GLRA1: variants seen among roughly 807,000 people sequenced by gnomAD.
GLRA1 encodes glycine receptor alpha 1, also known as glycine receptor subunit alpha-1.
A neutral mutation model predicts 48.3 loss-of-function variants in GLRA1; 37 were observed. That is an observed-to-expected ratio of 0.77 (90% CI 0.59 to 1.01). The LOEUF (loss-of-function observed/expected upper bound fraction) is 1.01, where lower values mean the gene tolerates loss of function less well. GLRA1 is among the 50% of genes least tolerant of loss of function. The pLI, the probability that GLRA1 is intolerant of heterozygous loss-of-function variation, is 0.00. For missense variants in GLRA1, 427 were observed against 571.0 expected, an observed-to-expected ratio of 0.75 and a Z score of 2.57; for synonymous variants, 196 against 210.7, an observed-to-expected ratio of 0.93 and a Z score of 0.60.
intron 1 of GLRA1, among the ~76,000 whole-genome samples, chr5:151,919,232 A>G (rs1242931633): frequency 6.6e-6 from 1 of 152,258 alleles, no homozygotes; most frequent in Non-Finnish European, 1.5e-5. Flanking sequence ...AAAATATGTT[A>G]ATGATGAATG....
At chr5:151,902,916 A>G (rs375668533) in intron 1 of GLRA1, among the ~76,000 whole-genome samples, 18 of 152,248 alleles carry the variant, frequency 1.2e-4, no homozygotes, top group Non-Finnish European at 2.1e-4. Context: ...TCTTAACTAT[A>G]TTAATGATGA....
At chr5:151,823,736 G>A (rs1472485091) in intron 8 of GLRA1, among the ~76,000 whole-genome samples, 1 of 152,090 alleles carries the variant, frequency 6.6e-6, no homozygotes, top group Non-Finnish European at 1.5e-5. Context: ...CAGATACTTT[G>A]CAGCCCTCCA....
chr5:151,924,802 G>T lies in GLRA1; in HGVS notation c.-253C>A. ...GACCTGCTTTTCAGGAGCGCGAAGA[G>T]TATTGCTGTTTGTTAAACTCCAGCG... is the stretch of plus-strand genomic sequence containing the variant. On this transcript the variant is annotated 5_prime_UTR_variant, in exon 1 of 9. Transcript: ENST00000274576. 1.8e-6 allele frequency: 1 copy of T among 554,434 alleles called. No homozygotes were observed. Among genetic ancestry groups the T allele is most frequent in the Non-Finnish European group, 3.2e-6 (1 of 308,116 alleles). 34.3% of individuals were successfully genotyped at this position (554,434 alleles called of 1,614,324 possible).
chr5:151,874,448 A>G (rs1190167587), intron 3 of GLRA1, among the ~76,000 whole-genome samples: 1 of 152,098 alleles, frequency 6.6e-6, no homozygotes, highest in African/African-American at 2.4e-5. Context: ...GTACTTGGAT[A>G]TGATGTTTAT....
chr5:151,823,975 G>GATTC (rs1763210741), intron 8 of GLRA1, among the ~76,000 whole-genome samples: 1 of 151,516 alleles, frequency 6.6e-6, no homozygotes. Context: ...CTCAGCTGTT[G>GATTC]ATTCAATGTT....
At chr5:151,887,257 C>A (rs1190454350) in intron 2 of GLRA1, among the ~76,000 whole-genome samples, 1 of 152,160 alleles carries the variant, frequency 6.6e-6, no homozygotes, top group Admixed American at 6.5e-5. Flanking sequence ...GCTGAGGAAT[C>A]CAGAAGGAAC....
At chr5:151,849,206 T>TTTTCCTTCCTTCCTTCC (rs1554083336) in intron 7 of GLRA1, 8 of 84,594 alleles carry the variant, frequency 9.5e-5, no homozygotes, top group African/African-American at 4.2e-4. Flanking sequence ...CTTTTCTTTC[T>TTTTCCTTCCTTCCTTCC]TTCCTTCCTT....
At chr5:151,831,055 TC>T (rs1375456359) in intron 7 of GLRA1, among the ~76,000 whole-genome samples, 3 of 152,118 alleles carry the variant, frequency 2.0e-5, no homozygotes, top group Admixed American at 6.5e-5. Flanking sequence ...GTTGGGGATC[TC>T]CCTCCCCTGG....
Position 151,902,581 on chromosome 5 carries a change from G to A in GLRA1, c.57-10143C>T, listed in dbSNP as rs773576097. On this transcript the variant is annotated intron_variant, in intron 1 of 8. Transcript: ENST00000274576. ...CAACTTTATTCATTAGGTACTTTTA[G>A]ATGCTGATAATCTCATTTTAGATAG... 7.4e-4 allele frequency among the ~76,000 whole-genome samples: 113 copies of A among 152,006 alleles called. 1 individual carries two copies. Among genetic ancestry groups the A allele is most frequent in the Admixed American group, 2.6e-4 (4 of 15,246 alleles).
At chr5:151,920,924 A>G (rs932975154) in intron 1 of GLRA1, among the ~76,000 whole-genome samples, 4 of 152,226 alleles carry the variant, frequency 2.6e-5, no homozygotes, top group African/African-American at 4.8e-5. Flanking sequence ...GGAAAAGCCC[A>G]TTCACCTTTC....
chr5:151,860,940 T>C (rs551470994), intron 3 of GLRA1, among the ~76,000 whole-genome samples: 1 of 152,316 alleles, frequency 6.6e-6, no homozygotes, highest in South Asian at 2.1e-4. Flanking sequence ...AGTGTTCTCA[T>C]TGTTCAGTTC....
intron 8 of GLRA1, among the ~76,000 whole-genome samples, chr5:151,826,186 A>G (rs188634474): frequency 1.8e-4 from 28 of 152,330 alleles, no homozygotes; most frequent in Admixed American, 7.8e-4. Flanking sequence ...CAGTGCACCA[A>G]TACCTTATGG....
At chr5:151,863,832 G>A (rs1373897669) in intron 3 of GLRA1, among the ~76,000 whole-genome samples, 3 of 152,064 alleles carry the variant, frequency 2.0e-5, no homozygotes, top group Admixed American at 1.3e-4. Context: ...TCCTCCTACA[G>A]CTCATGCCTC....
rs763939987 is a variant in GLRA1 at position 151,855,115 on chromosome 5, C to T, written c.622G>A (p.Asp208Asn). The part of the protein sequence containing the change: ...WQEQGAVQVA[D>N]GLTLPQFILK... The stretch of plus-strand genomic sequence containing the variant: ...ATAAACTGGGGCAGAGTTAGTCCAT[C>T]TGCTACCTGCACGGCTCCCTGTTCC... Residue 208 changes from aspartate to asparagine, a missense_variant, in exon 6 of 9, where the codon GAT (aspartate) becomes AAT (asparagine). This residue lies in a region of GLRA1 where 271 missense variants were observed against 434.9 expected (regional missense o/e 0.62). Transcript: ENST00000274576. The T allele has an allele frequency of 1.2e-6, 2 of 1,613,916 alleles. No individual in the cohort carries two copies. The highest frequency in any genetic ancestry group is 4.5e-5 in the East Asian group (2 of 44,886).
chr5:151,895,944 T>G (rs1014651961), intron 1 of GLRA1, among the ~76,000 whole-genome samples: 1 of 152,120 alleles, frequency 6.6e-6, no homozygotes, highest in African/African-American at 2.4e-5. Flanking sequence ...GCTCCCGTAC[T>G]CTCTCCAGCC....
At chr5:151,878,082 A>C (rs2045650047) in intron 3 of GLRA1, among the ~76,000 whole-genome samples, 1 of 152,214 alleles carries the variant, frequency 6.6e-6, no homozygotes, top group South Asian at 2.1e-4. Flanking sequence ...GGAACTTCCT[A>C]GAGACTTGTT....
chr5:151,888,881 G>A (rs754253252), intron 2 of GLRA1, among the ~76,000 whole-genome samples: 9 of 152,176 alleles, frequency 5.9e-5, no homozygotes, highest in Middle Eastern at 3.2e-3. Flanking sequence ...TTTTGTCCTT[G>A]TGTTGAGTGG....
intron 8 of GLRA1, among the ~76,000 whole-genome samples, chr5:151,824,449 G>A (rs920338268): frequency 6.6e-6 from 1 of 152,142 alleles, no homozygotes; most frequent in Non-Finnish European, 1.5e-5. Context: ...CAAGGCCTTA[G>A]AACCTGGACC....
intron 3 of GLRA1, among the ~76,000 whole-genome samples, chr5:151,883,133 A>G (rs1561570556): frequency 6.6e-6 from 1 of 152,208 alleles, no homozygotes; most frequent in Non-Finnish European, 1.5e-5. Flanking sequence ...AATAGGGAGA[A>G]AACTATGTCA....
Sources: gnomAD v4.1 joint callset for allele counts (sites outside exome capture counted in the v4.1 genomes callset) on GRCh38, gnomAD v4.1.1 for gene constraint, gnomAD v4.1.1 regional missense constraint, MANE v1.5 for transcripts, NCBI Gene and HGNC (gene_info 2026-07-23, HGNC 2026-07-21) for gene names.